Variants in FCAMR observed in about 807,000 individuals in gnomAD.
The protein encoded by FCAMR is Fc alpha and mu receptor, also known as high affinity immunoglobulin alpha and immunoglobulin mu Fc receptor.
Under a neutral mutation model 52.2 loss-of-function variants are expected in FCAMR, and 51 were observed. The ratio of observed to expected loss-of-function variants is 0.98; its 90% confidence interval spans 0.78 to 1.23. The LOEUF (loss-of-function observed/expected upper bound fraction) is 1.23. Ranked by LOEUF, FCAMR falls within the 50% of genes most tolerant of loss-of-function variation. The pLI is 0.00. For synonymous variants in FCAMR, 282 were observed against 262.0 expected (o/e 1.08, Z -0.74); for missense variants, 719 against 712.6 (o/e 1.01, Z -0.10).
rs1159433296 is a variant in FCAMR at position 206,961,111 on chromosome 1, G to A, written c.765C>T (p.Thr255=). Residue 255 remains threonine, a synonymous_variant, in exon 6 of 8, where the codon ACC becomes ACT. Transcript: ENST00000324852. Reference sequence around the variant, plus strand: ...TGTCCCATGCTGTCCCCTGTCCTAAGGTCTGGGTGGTTCCTGGGGTCCATC... The same window carrying A: ...TGTCCCATGCTGTCCCCTGTCCTAAAGTCTGGGTGGTTCCTGGGGTCCATC... The part of the protein sequence containing the change: ...ANRWTPGTTQ[T]LGQGTAWDTV... 5.2e-6 allele frequency: 8 copies of A among 1,551,696 alleles called. No homozygotes were observed. The highest frequency in any genetic ancestry group is 7.0e-6 in the Non-Finnish European group (8 of 1,147,040).
Position 206,970,225 on chromosome 1 carries a change from G to A in FCAMR, c.-100C>T, listed in dbSNP as rs1383678981. The A allele has an allele frequency of 2.9e-6, 4 of 1,403,286 alleles. No individual in the cohort carries two copies. The highest frequency in any genetic ancestry group is 4.0e-6 in the Non-Finnish European group (4 of 1,003,608). 86.9% of individuals were successfully genotyped at this position (1,403,286 alleles called of 1,614,324 possible). ...GCTCTCCTTTAAACCTGGAGACTGA[G>A]AAGTCAAGGTGGTATTTTGGAAAGC... On this transcript the variant is annotated 5_prime_UTR_variant, in exon 1 of 8. Transcript: ENST00000324852.
chr1:206,959,996 T>C (rs1373338219), intron 6 of FCAMR, 199 bp from the exon 7 acceptor site: 2 of 562,852 alleles, frequency 3.6e-6, no homozygotes, highest in African/African-American at 3.8e-5. Flanking sequence ...CTGAATCCTT[T>C]TCCCTCTTCC....
In FCAMR at chr1:206,962,454, G is replaced by C. The variant is rs762583154; in HGVS notation, c.411C>G (p.His137Gln). The change falls in exon 5 of 8, where the codon CAC (histidine) becomes CAG (glutamine). Residue 137 changes from histidine to glutamine, a missense_variant. Coordinates refer to ENST00000324852, the MANE Select transcript of FCAMR (RefSeq NM_001170631.2). Reference sequence around the variant, plus strand: ...CCAGACGGCACCAGTACTTCCTCTGGTGCCTGTTGACAGATGAGGGGGCAT... The same window carrying C: ...CCAGACGGCACCAGTACTTCCTCTGCTGCCTGTTGACAGATGAGGGGGCAT... ...CHYAPSSVNR[H>Q]QRKYWCRLGP... 2.5e-6 allele frequency: 4 copies of C among 1,613,938 alleles called. 1 individual carries two copies. The South Asian group carries it at 3.3e-5, about 13-fold the overall frequency.
rs553613924 is a variant in FCAMR at position 206,965,913 on chromosome 1, G to A, written c.170-55C>T. 36 of 1,608,368 alleles carry A rather than the reference G, an allele frequency of 2.2e-5. No individual in the cohort carries two copies. In the South Asian group the frequency reaches 3.4e-4, roughly 15 times the overall value. On this transcript the variant is annotated intron_variant, in intron 3 of 7. Transcript: ENST00000324852. ...GGGGGCCATCCATGTGTCCACAAAG[G>A]CACCTACAGAGGAAGAAGCAAACAG...
At chr1:206,966,331 G>T (rs1227046714) in intron 3 of FCAMR, among the ~76,000 whole-genome samples, 2 of 152,206 alleles carry the variant, frequency 1.3e-5, no homozygotes, top group African/African-American at 4.8e-5. Context: ...GGAGATTAAA[G>T]AGGTGGTGTG....
chr1:206,970,069 G>C lies in FCAMR; in HGVS notation c.39+18C>G. On this transcript the variant is annotated intron_variant, in intron 1 of 7. Transcript: ENST00000324852. ...TCAGAGGCAAGATCCCAACCTCCAG[G>C]AGAAAGCATCATTTCACCTTTTGTT... 1 of 1,614,030 alleles carries C rather than the reference G, an allele frequency of 6.2e-7. No homozygotes were observed. The highest frequency in any genetic ancestry group is 8.5e-7 in the Non-Finnish European group (1 of 1,179,948).
In FCAMR at chr1:206,961,133, C is replaced by A. The variant is rs771122836; in HGVS notation, c.743G>T (p.Trp248Leu). The stretch of plus-strand genomic sequence containing the variant: ...TAAGGTCTGGGTGGTTCCTGGGGTC[C>A]ATCTGTTGGCCACTGGAGACGCTGT... The part of the protein sequence containing the change: ...YGTASPVANR[W>L]TPGTTQTLGQ... Residue 248 changes from tryptophan (W) to leucine (L), a missense_variant, in exon 6 of 8, where the codon TGG (tryptophan) becomes TTG (leucine). By Grantham distance (61) the Trp-to-Leu change is moderately conservative. Coordinates refer to ENST00000324852, the MANE Select transcript of FCAMR (RefSeq NM_001170631.2). 4 of 1,551,680 alleles carry A rather than the reference C, an allele frequency of 2.6e-6. No homozygotes were observed. Among genetic ancestry groups the A allele is most frequent in the Middle Eastern group, 1.7e-4 (1 of 5,992 alleles).
Position 206,970,164 on chromosome 1 carries a change from C to T in FCAMR, c.-39G>A, listed in dbSNP as rs752844705. On this transcript the variant is annotated 5_prime_UTR_variant, in exon 1 of 8. Coordinates refer to ENST00000324852, the MANE Select transcript of FCAMR (RefSeq NM_001170631.2). ...CAAGATCCAGGTGGACTTTTCTTCTCCTTATGAGATGCAGGTGTTTGGACG... is the reference window on the plus strand; with the variant it reads ...CAAGATCCAGGTGGACTTTTCTTCTTCTTATGAGATGCAGGTGTTTGGACG... 1.7e-5 allele frequency: 28 copies of T among 1,612,382 alleles called. No individual in the cohort carries two copies. The highest frequency in any genetic ancestry group is 2.7e-5 in the African/African-American group (2 of 74,818).
rs1680887079 is a variant in FCAMR at position 206,970,282 on chromosome 1, A to C, written c.-157T>G. 4 of 706,852 alleles carry C rather than the reference A, an allele frequency of 5.7e-6. No homozygotes were observed. Among genetic ancestry groups the C allele is most frequent in the Middle Eastern group, 4.9e-4 (2 of 4,074 alleles). The allele number at this position is 706,852 out of a possible 1,614,324, so 43.8% of individuals were successfully genotyped here. ...AGCTAGCAACGGAAGGTCGGGGTGC[A>C]AGGCGTAGCTCTGCCACTCACCTCA... On this transcript the variant is annotated 5_prime_UTR_variant, in exon 1 of 8. Transcript: ENST00000324852.
At chr1:206,964,990 T>G (rs1398366734) in intron 4 of FCAMR, among the ~76,000 whole-genome samples, 1 of 152,188 alleles carries the variant, frequency 6.6e-6, no homozygotes, top group East Asian at 1.9e-4. Flanking sequence ...CAGGTCTAAC[T>G]GCTGGAAGAG....
At position 206,958,979 on chromosome 1, in the gene FCAMR, G is replaced by T. The variant is rs531304057; in HGVS notation, c.1574-303C>A. The T allele has an allele frequency of 5.8e-5, 31 of 535,536 alleles. No homozygotes were observed. The African/African-American group carries it at 5.9e-4, about 10-fold the overall frequency. 33.2% of individuals were successfully genotyped at this position (535,536 alleles called of 1,614,324 possible). A position where few individuals can be genotyped will look rare whatever the true frequency, so the allele number is the denominator to read the frequency against. ...TAAACCTGGGCATGTTGCTCTCAGA[G>T]AATTTTAGCTGGGCTTTGCCAAAGG... On this transcript the variant is annotated intron_variant, in intron 7 of 7. Transcript: ENST00000324852.
At chr1:206,963,679 C>T (rs1680595819) in intron 4 of FCAMR, among the ~76,000 whole-genome samples, 1 of 152,106 alleles carries the variant, frequency 6.6e-6, no homozygotes, top group African/African-American at 2.4e-5. Flanking sequence ...TATCCCTTCC[C>T]CTGTTCAAAG....
intron 5 of FCAMR, 52 bp downstream of exon 5, chr1:206,962,161 C>T (rs1043897339): frequency 6.4e-7 from 1 of 1,562,218 alleles, no homozygotes; most frequent in Admixed American, 1.7e-5. Flanking sequence ...CCCACTTTCT[C>T]CTTCCTAGAA....
chr1:206,964,292 A>ATGTG (rs1680621171), intron 4 of FCAMR, among the ~76,000 whole-genome samples: 1 of 152,180 alleles, frequency 6.6e-6, no homozygotes, highest in Admixed American at 6.5e-5. Flanking sequence ...ATGTGGTTCA[A>ATGTG]CATCTTGCGG....
At chr1:206,964,489 G>A (rs929269591) in intron 4 of FCAMR, among the ~76,000 whole-genome samples, 6 of 151,732 alleles carry the variant, frequency 4.0e-5, no homozygotes, top group African/African-American at 7.3e-5. Context: ...GGGAGGATCA[G>A]TCATGAATGG....
At position 206,961,098 on chromosome 1, in the gene FCAMR, T is replaced by C. The variant is rs1376085905; in HGVS notation, c.778A>G (p.Thr260Ala). ...GTGGAAGCAACTGTGTCCCATGCTG[T>C]CCCCTGTCCTAAGGTCTGGGTGGTT... ...PGTTQTLGQG[T>A]AWDTVASTPG... Residue 260 changes from threonine (T) to alanine (A), a missense_variant, in exon 6 of 8, where the codon ACA becomes GCA. Transcript: ENST00000324852. 1.3e-6 allele frequency: 2 copies of C among 1,551,786 alleles called. No individual in the cohort carries two copies. The highest frequency in any genetic ancestry group is 1.7e-6 in the Non-Finnish European group (2 of 1,147,016).
Position 206,958,550 on chromosome 1 carries a change from C to T in FCAMR, c.1700G>A (p.Ser567Asn). Residue 567 changes from serine (S) to asparagine (N), a missense_variant, in exon 8 of 8, where the codon AGC becomes AAC. Physicochemically the swap from Ser to Asn is conservative, Grantham distance 46. Coordinates refer to ENST00000324852, the MANE Select transcript of FCAMR (RefSeq NM_001170631.2). Reference protein sequence around the residue: ...LQDDSLPAGASLTAPERNPGP With the variant: ...LQDDSLPAGANLTAPERNPGP ...TGGATTTCTCTCTGGGGCAGTCAGGCTGGCCCCAGCAGGAAGAGAGTCATC... is the reference window on the plus strand; with the variant it reads ...TGGATTTCTCTCTGGGGCAGTCAGGTTGGCCCCAGCAGGAAGAGAGTCATC... 3.7e-6 allele frequency: 6 copies of T among 1,613,044 alleles called. No homozygotes were observed. Among genetic ancestry groups the T allele is most frequent in the Non-Finnish European group, 5.1e-6 (6 of 1,179,856 alleles).
Position 206,967,032 on chromosome 1 carries a change from G to C in FCAMR, c.169+20C>G, listed in dbSNP as rs1285173787. On this transcript the variant is annotated intron_variant, in intron 3 of 7. Coordinates refer to ENST00000324852, the MANE Select transcript of FCAMR (RefSeq NM_001170631.2). Reference sequence around the variant, plus strand: ...GTCTGGTTTTGTAAGCCCTGAACCTGGGCTGGGTTTGGGACTCACCTTGTA... The same window carrying C: ...GTCTGGTTTTGTAAGCCCTGAACCTCGGCTGGGTTTGGGACTCACCTTGTA... 1.9e-6 allele frequency: 3 copies of C among 1,613,302 alleles called. No individual in the cohort carries two copies. The highest frequency in any genetic ancestry group is 2.5e-6 in the Non-Finnish European group (3 of 1,179,816).
Position 206,960,410 on chromosome 1 carries a change from G to T in FCAMR, c.1454+12C>A. The T allele has an allele frequency of 6.8e-7, 1 of 1,475,502 alleles. No individual in the cohort carries two copies. The highest frequency in any genetic ancestry group is 9.0e-7 in the Non-Finnish European group (1 of 1,113,608). The allele number at this position is 1,475,502 out of a possible 1,614,324, so 91.4% of individuals were successfully genotyped here. ...TGGGGCCCCCCAACCGGGAGAAGGT[G>T]CCTGGGGTTACCGCTTCACGGAGGA... On this transcript the variant is annotated intron_variant, in intron 6 of 7. Coordinates refer to ENST00000324852, the MANE Select transcript of FCAMR (RefSeq NM_001170631.2).
Sources: allele counts gnomAD v4.1 joint callset (sites outside exome capture counted in the v4.1 genomes callset), GRCh38; gene constraint gnomAD v4.1.1; transcripts MANE v1.5; gene names NCBI Gene and HGNC (gene_info 2026-07-23, HGNC 2026-07-21).